The following TLN2 variants were observed in gnomAD, a reference collection of about 807,000 sequenced individuals.
The protein encoded by TLN2 is talin-2.
In TLN2, 118 loss-of-function variants were observed where a neutral mutation model predicts 294.7. The observed-to-expected ratio is 0.40, with a 90% CI of 0.34 to 0.47. The LOEUF is 0.47. TLN2 is among the 20% of genes least tolerant of loss of function. The pLI, the probability that TLN2 is intolerant of heterozygous loss-of-function variation, is 0.84. For synonymous variants in TLN2, 1,431 were observed against 1,304.5 expected, an observed-to-expected ratio of 1.10 and a Z score of -2.09; for missense variants, 3,083 against 3,282.2, an observed-to-expected ratio of 0.94 and a Z score of 1.48.
At chr15:62,481,285 C>A (rs558819390) in intron 1 of TLN2, among the ~76,000 whole-genome samples, 1 of 151,878 alleles carries the variant, frequency 6.6e-6, no homozygotes, top group South Asian at 2.1e-4. Flanking sequence ...TTAATGTTAA[C>A]CACATTTGCT....
chr15:62,628,245 G>T (rs1017576293), intron 3 of TLN2, among the ~76,000 whole-genome samples: 7 of 152,198 alleles, frequency 4.6e-5, no homozygotes, highest in African/African-American at 9.6e-5. Flanking sequence ...TAATTCTGGG[G>T]TAAGGCTAAA....
chr15:62,433,658 A>AG (rs1247309375), intron 1 of TLN2, among the ~76,000 whole-genome samples: 1 of 152,042 alleles, frequency 6.6e-6, no homozygotes, highest in Non-Finnish European at 1.5e-5. Flanking sequence ...TTTGTACATA[A>AG]GGGCCCCTGT....
rs201082993 is a variant in TLN2 at position 62,760,804 on chromosome 15, G to GT, written c.4639-868dup. On this transcript the variant is annotated intron_variant, in intron 37 of 58. Coordinates refer to ENST00000636159, the MANE Select transcript of TLN2 (RefSeq NM_015059.3). ...TACCTGCTGTTAGTTTTTTGTTTTT[G>GT]TTTTTTTTTAATTATGAAGCATAAG... 4.4e-3 allele frequency among the ~76,000 whole-genome samples: 668 copies of GT among 151,172 alleles called. 5 individuals are homozygous for GT. Among genetic ancestry groups the GT allele is most frequent in the African/African-American group, 0.012 (515 of 41,220 alleles).
At chr15:62,470,788 C>T (rs1264089699) in intron 1 of TLN2, among the ~76,000 whole-genome samples, 1 of 152,162 alleles carries the variant, frequency 6.6e-6, no homozygotes, top group Non-Finnish European at 1.5e-5. Context: ...GGTGACACTT[C>T]CCTGCAGACA....
At chr15:62,614,710 GCATTTA>G (rs2048175404) in intron 2 of TLN2, among the ~76,000 whole-genome samples, 1 of 152,078 alleles carries the variant, frequency 6.6e-6, no homozygotes, top group African/African-American at 2.4e-5. Context: ...TAAAACATAG[GCATTTA>G]CGTTTTGACC....
intron 32 of TLN2, among the ~76,000 whole-genome samples, chr15:62,746,589 A>G (rs998539565): frequency 6.6e-6 from 1 of 152,228 alleles, no homozygotes; most frequent in African/African-American, 2.4e-5. Context: ...GCTTTTGTAC[A>G]TTGGCAACAT....
At chr15:62,805,458 A>G (rs748164783) in intron 50 of TLN2, 142 bp from the exon 51 acceptor site, 2 of 846,486 alleles carry the variant, frequency 2.4e-6, no homozygotes, top group African/African-American at 1.7e-5. Flanking sequence ...ACTGTACTCA[A>G]ATTTCTAATT....
intron 1 of TLN2, among the ~76,000 whole-genome samples, chr15:62,536,779 T>G (rs1006053959): frequency 6.6e-6 from 1 of 152,320 alleles, no homozygotes; most frequent in Middle Eastern, 3.4e-3. Context: ...AAGAACTGTT[T>G]TAAAAGTTTT....
intron 1 of TLN2, among the ~76,000 whole-genome samples, chr15:62,445,511 ATCAGGCCTTAC>A: frequency 6.6e-6 from 1 of 152,328 alleles, no homozygotes; most frequent in Non-Finnish European, 1.5e-5. Flanking sequence ...TTTGAATATA[ATCAGGCCTTAC>A]ATAGTGTATA....
chr15:62,823,700 A>G (rs1460327119), intron 54 of TLN2, among the ~76,000 whole-genome samples: 6 of 152,162 alleles, frequency 3.9e-5, no homozygotes, highest in African/African-American at 9.7e-5. Flanking sequence ...AGGCTCTTAA[A>G]ACTTAAGCAT....
intron 1 of TLN2, among the ~76,000 whole-genome samples, chr15:62,564,565 T>C (rs1053003027): frequency 6.6e-6 from 1 of 152,142 alleles, no homozygotes; most frequent in Non-Finnish European, 1.5e-5. Context: ...GATTTTACTT[T>C]TGTGGTGTTT....
rs188236306 is a variant in TLN2, at chr15:62,779,087, T to A, written c.5515-2053T>A. On this transcript the variant is annotated intron_variant, in intron 43 of 58. Transcript: ENST00000636159. ...CCAGTGAATTATAGAAAAACCTGAG[T>A]GTAGCCAGAGTTAATTCTAACTTGG... is the stretch of plus-strand genomic sequence containing the variant. 2.0e-5 allele frequency among the ~76,000 whole-genome samples: 3 copies of A among 152,312 alleles called. 1 individual carries two copies. The highest frequency in any genetic ancestry group is 4.4e-5 in the Non-Finnish European group (3 of 68,020).
At chr15:62,448,976 G>A (rs2035964661) in intron 1 of TLN2, among the ~76,000 whole-genome samples, 1 of 152,118 alleles carries the variant, frequency 6.6e-6, no homozygotes, top group Admixed American at 6.5e-5. Context: ...TATTCCTTTT[G>A]CACTCCTTAG....
chr15:62,406,811 G>A (rs1037080524), intron 1 of TLN2, among the ~76,000 whole-genome samples: 1 of 152,062 alleles, frequency 6.6e-6, no homozygotes, highest in Non-Finnish European at 1.5e-5. Flanking sequence ...CTGTTTCTGT[G>A]TTCAAATTTC....
In TLN2 at chr15:62,752,514, C is replaced by T. The variant is rs183557118; in HGVS notation, c.4332+87C>T. 9.8e-5 allele frequency: 151 copies of T among 1,538,522 alleles called. No individual in the cohort carries two copies. The African/African-American group carries it at 2.0e-3, about 20-fold the overall frequency. ...GGAACTCCAGCTGCACCTCTTTCTC[C>T]AAGTACCACCACAGAAACCATGGGA... On this transcript the variant is annotated intron_variant, in intron 35 of 58. Transcript: ENST00000636159.
chr15:62,823,806 A>G (rs1370118669), intron 54 of TLN2, among the ~76,000 whole-genome samples: 1 of 152,178 alleles, frequency 6.6e-6, no homozygotes, highest in African/African-American at 2.4e-5. Context: ...ATGTGCTGAC[A>G]GTATTGTTAA....
At chr15:62,589,398 G>A (rs1465127761) in intron 1 of TLN2, among the ~76,000 whole-genome samples, 4 of 152,256 alleles carry the variant, frequency 2.6e-5, no homozygotes, top group Admixed American at 6.5e-5. Flanking sequence ...TCTGTATTTG[G>A]TTTTTGTTTA....
intron 1 of TLN2, among the ~76,000 whole-genome samples, chr15:62,405,425 C>G (rs1189390724): frequency 6.6e-6 from 1 of 152,250 alleles, no homozygotes; most frequent in East Asian, 1.9e-4. Flanking sequence ...CCCATCTCAA[C>G]TGACTGTGTC....
At chr15:62,786,471 G>T (rs1166010448) in intron 45 of TLN2, among the ~76,000 whole-genome samples, 1 of 152,048 alleles carries the variant, frequency 6.6e-6, no homozygotes, top group East Asian at 1.9e-4. Flanking sequence ...AAAGTTAAAA[G>T]CCTCCAGCAG....
Sources: allele counts gnomAD v4.1 joint callset (sites outside exome capture counted in the v4.1 genomes callset), GRCh38; gene constraint gnomAD v4.1.1; transcripts MANE v1.5; gene names NCBI Gene and HGNC (gene_info 2026-07-23, HGNC 2026-07-21).